The following LMX1B variants were observed in gnomAD, a reference collection of about 807,000 sequenced individuals.
The protein encoded by LMX1B is LIM homeobox transcription factor 1-beta.
In LMX1B, 12 loss-of-function variants were observed where a neutral mutation model predicts 51.4. The observed-to-expected ratio is 0.23, with a 90% CI of 0.15 to 0.38. LMX1B has a LOEUF of 0.38. Among genes scored for constraint, LMX1B ranks in the 10% least tolerant of loss-of-function variants. LMX1B has a pLI of 1.00. For synonymous variants in LMX1B, 237 were observed against 235.4 expected (o/e 1.01, Z -0.06); for missense variants, 445 against 571.1 (o/e 0.78, Z 2.25).
chr9:126,636,613 T>C (rs1835716398), intron 2 of LMX1B, among the ~76,000 whole-genome samples: 1 of 151,590 alleles, frequency 6.6e-6, no homozygotes. Flanking sequence ...ATGGAGGCTG[T>C]GGACACGGGG....
At position 126,696,018 on chromosome 9, in the gene LMX1B, C is replaced by CCA. The variant is rs1228143799; in HGVS notation, c.1051+16_1051+17insAC. 6.5e-6 allele frequency: 9 copies of CCA among 1,388,522 alleles called. No individual in the cohort carries two copies. Among genetic ancestry groups the CCA allele is most frequent in the South Asian group, 2.7e-5 (2 of 74,456 alleles). 86.0% of individuals were successfully genotyped at this position (1,388,522 alleles called of 1,614,324 possible). ...GAACCCCTATGGTAAGCCGCCCTAC[C>CCA]CCCACCCGCCCGCCCCAGCACAGCC... On this transcript the variant is annotated intron_variant, in intron 7 of 7. Transcript: ENST00000373474.
rs1197071218 is a variant in LMX1B at position 126,693,742 on chromosome 9, G to A, written c.820-4G>A. 6.4e-7 allele frequency: 1 copy of A among 1,561,564 alleles called. No individual in the cohort carries two copies. On this transcript the variant is annotated splice_region_variant and splice_polypyrimidine_tract_variant and intron_variant, in intron 5 of 7. Transcript: ENST00000373474. ...CACCGGCCTGAACTGCGCTCTCCCT[G>A]CAGATGAAGAAGCTGGCGCGGCGGC...
Position 126,626,650 on chromosome 9 carries a change from TG to T in LMX1B, c.326+11082del, listed in dbSNP as rs573937831. Reference sequence around the variant, plus strand: ...CCCTCGAAACACTTGATACCAACTTTGTTTTTTTGGCAAGAAAAATAAGCCT... The same window carrying T: ...CCCTCGAAACACTTGATACCAACTTTTTTTTTTGGCAAGAAAAATAAGCCT... On this transcript the variant is annotated intron_variant, in intron 2 of 7. Coordinates refer to ENST00000373474, the MANE Select transcript of LMX1B (RefSeq NM_001174147.2). The surrounding 1 kb of genome is among the most constrained non-coding windows in gnomAD (Gnocchi z 4.3). 6.9e-3 allele frequency among the ~76,000 whole-genome samples: 1,048 copies of T among 151,948 alleles called. 4 individuals carry two copies. Among genetic ancestry groups the T allele is most frequent in the Non-Finnish European group, 0.011 (752 of 67,964 alleles).
intron 2 of LMX1B, among the ~76,000 whole-genome samples, chr9:126,649,340 C>T (rs1835960305): frequency 6.6e-6 from 1 of 152,184 alleles, no homozygotes; most frequent in African/African-American, 2.4e-5. Context: ...ATCACCCTTT[C>T]AGGGACTCAA....
chr9:126,636,033 C>G (rs571593312), intron 2 of LMX1B, among the ~76,000 whole-genome samples: 13 of 150,754 alleles, frequency 8.6e-5, no homozygotes, highest in African/African-American at 3.2e-4. Context: ...AGTGAGTTCC[C>G]TGGGTGTCCT....
Position 126,641,468 on chromosome 9 carries a change from C to G in LMX1B, c.326+25899C>G, listed in dbSNP as rs1758827318. The stretch of plus-strand genomic sequence containing the variant: ...CTAATAGCAGGAACAGGACATGAAC[C>G]CATGTCTGCATATCTTCATGGGCCC... On this transcript the variant is annotated intron_variant, in intron 2 of 7. Coordinates refer to ENST00000373474, the MANE Select transcript of LMX1B (RefSeq NM_001174147.2). The surrounding 1 kb of genome is among the most constrained non-coding windows in gnomAD (Gnocchi z 4.1). 1.3e-5 allele frequency among the ~76,000 whole-genome samples: 2 copies of G among 152,278 alleles called. No individual in the cohort carries two copies. The highest frequency in any genetic ancestry group is 2.4e-5 in the African/African-American group (1 of 41,556).
chr9:126,620,994 C>A (rs958090182), intron 2 of LMX1B, among the ~76,000 whole-genome samples: 2 of 152,180 alleles, frequency 1.3e-5, no homozygotes, highest in African/African-American at 4.8e-5. Context: ...ACTCAGAAGG[C>A]CCCTCCAGCT....
Position 126,695,945 on chromosome 9 carries a change from C to G in LMX1B, c.993C>G (p.Asp331Glu). Residue 331 changes from aspartate (D) to glutamate (E), a missense_variant, in exon 7 of 8, where the codon GAC (aspartate) becomes GAG (glutamate). This residue lies in a region of LMX1B where 162 missense variants were observed against 187.8 expected (regional missense o/e 0.86). Transcript: ENST00000373474. The surrounding 1 kb of genome is among the most constrained non-coding windows in gnomAD (Gnocchi z 5.2). ...AACAGAGCCCCTACGGCAGCAGCGA[C>G]CCCTTCCAGCAGGGCCTCACGCCGC... Reference protein sequence around the residue: ...AMEQSPYGSSDPFQQGLTPPQ... With the variant: ...AMEQSPYGSSEPFQQGLTPPQ... 6.2e-7 allele frequency: 1 copy of G among 1,613,252 alleles called. No homozygotes were observed. Among genetic ancestry groups the G allele is most frequent in the Non-Finnish European group, 8.5e-7 (1 of 1,179,728 alleles).
intron 2 of LMX1B, among the ~76,000 whole-genome samples, chr9:126,643,126 G>A (rs957830226): frequency 6.6e-6 from 1 of 152,156 alleles, no homozygotes; most frequent in Non-Finnish European, 1.5e-5. Context: ...TGTTATCCCG[G>A]GTCAGGCTGA....
intron 3 of LMX1B, 79 bp downstream of exon 3, chr9:126,691,147 G>A (rs2030116994): frequency 5.5e-6 from 6 of 1,083,464 alleles, no homozygotes; most frequent in Non-Finnish European, 8.2e-6. Flanking sequence ...CCCGGCTGGA[G>A]AAGCCACCTC....
At chr9:126,637,842 C>T (rs894198478) in intron 2 of LMX1B, among the ~76,000 whole-genome samples, 8 of 141,860 alleles carry the variant, frequency 5.6e-5, no homozygotes, top group Non-Finnish European at 9.4e-5. Context: ...CCGCCCCCCG[C>T]TCTCTGTACT....
chr9:126,670,399 G>T (rs1298194297), intron 2 of LMX1B, among the ~76,000 whole-genome samples: 1 of 152,240 alleles, frequency 6.6e-6, no homozygotes, highest in African/African-American at 2.4e-5. Context: ...CGCATCCTTG[G>T]TGCGTATGAG....
rs1409264820 is a variant in LMX1B, at chr9:126,683,226, C to T, written c.327-7610C>T. On this transcript the variant is annotated intron_variant, in intron 2 of 7. Transcript: ENST00000373474. ...GAGAGGCCCCGCGAGGCCCGCAGAGCGCGCCCGTCTCGCCGCGCATTCCAG... is the reference window on the plus strand; with the variant it reads ...GAGAGGCCCCGCGAGGCCCGCAGAGTGCGCCCGTCTCGCCGCGCATTCCAG... 6.6e-5 allele frequency among the ~76,000 whole-genome samples: 10 copies of T among 151,098 alleles called. No homozygotes were observed. In the East Asian group the frequency reaches 1.9e-3, roughly 29 times the overall value.
intron 2 of LMX1B, among the ~76,000 whole-genome samples, chr9:126,678,341 A>C (rs1438818632): frequency 6.7e-5 from 10 of 149,110 alleles, no homozygotes; most frequent in East Asian, 1.9e-4. Flanking sequence ...AAAAAAAAAA[A>C]CAAAAAGACT....
chr9:126,648,324 C>T (rs1416304077), intron 2 of LMX1B, among the ~76,000 whole-genome samples: 1 of 152,178 alleles, frequency 6.6e-6, no homozygotes, highest in Non-Finnish European at 1.5e-5. Context: ...CCCTAGCCTC[C>T]CTCGAAGGCA....
intron 2 of LMX1B, among the ~76,000 whole-genome samples, chr9:126,616,305 G>T (rs1030295660): frequency 3.3e-5 from 5 of 152,316 alleles, no homozygotes; most frequent in Admixed American, 3.3e-4. Flanking sequence ...GAGATGGCCC[G>T]CTCTGCCCTG....
intron 2 of LMX1B, among the ~76,000 whole-genome samples, chr9:126,638,333 A>G (rs1272277186): frequency 2.0e-5 from 3 of 152,004 alleles, no homozygotes; most frequent in African/African-American, 7.2e-5. Context: ...GAGCAAGGTG[A>G]ACGACGGGGC....
chr9:126,691,200 TCCAGATGCA>T (rs2030118085), intron 3 of LMX1B, 132 bp downstream of exon 3: 1 of 665,012 alleles, frequency 1.5e-6, no homozygotes, highest in Non-Finnish European at 2.6e-6. Flanking sequence ...TACATGCATA[TCCAGATGCA>T]CACGCGCACT....
intron 2 of LMX1B, among the ~76,000 whole-genome samples, chr9:126,670,364 G>T (rs1836426869): frequency 6.6e-6 from 1 of 152,366 alleles, no homozygotes; most frequent in South Asian, 2.1e-4. Flanking sequence ...TCAGAGAGCA[G>T]CCTGTAGATA....
Sources: allele counts gnomAD v4.1 joint callset (sites outside exome capture counted in the v4.1 genomes callset), GRCh38; gene constraint gnomAD v4.1.1; regional missense constraint gnomAD v4.1.1; non-coding constraint Gnocchi (gnomAD v3.1); transcripts MANE v1.5; gene names NCBI Gene and HGNC (gene_info 2026-07-23, HGNC 2026-07-21).